ITSN2: variants seen among roughly 807,000 people sequenced by gnomAD.
ITSN2 encodes the protein intersectin-2.
Under a neutral mutation model 243.7 loss-of-function variants are expected in ITSN2, and 156 were observed. The ratio of observed to expected loss-of-function variants is 0.64; its 90% confidence interval spans 0.56 to 0.73. ITSN2 has a LOEUF of 0.73. Ranked by LOEUF, ITSN2 falls within the 30% of genes least tolerant of loss-of-function variation. The pLI, the probability that ITSN2 is intolerant of heterozygous loss-of-function variation, is 0.00. For missense variants in ITSN2, 1,801 were observed against 1,996.1 expected, an observed-to-expected ratio of 0.90 and a Z score of 1.86; for synonymous variants, 703 against 699.9, an observed-to-expected ratio of 1.00 and a Z score of -0.07.
chr2:24,295,574 G>A, intron 14 of ITSN2, 90 bp downstream of exon 14: 1 of 1,023,206 alleles, frequency 9.8e-7, no homozygotes, highest in African/African-American at 1.7e-5. Flanking sequence ...CTCCCAAAGT[G>A]CTAGCATTAC....
At chr2:24,336,347 G>C in intron 1 of ITSN2, among the ~76,000 whole-genome samples, 1 of 151,264 alleles carries the variant, frequency 6.6e-6, no homozygotes, top group South Asian at 2.1e-4. Context: ...TTATTGGCTT[G>C]AGACCCTTCC....
chr2:24,267,239 G>C (rs779604143), intron 20 of ITSN2, among the ~76,000 whole-genome samples: 3 of 152,094 alleles, frequency 2.0e-5, no homozygotes, highest in Non-Finnish European at 4.4e-5. Context: ...CCTGTCAGGG[G>C]GTGGGGGACT....
chr2:24,283,135 A>G (rs939086639), intron 17 of ITSN2, among the ~76,000 whole-genome samples: 4 of 152,026 alleles, frequency 2.6e-5, no homozygotes, highest in African/African-American at 9.7e-5. Flanking sequence ...ATCCACTGCA[A>G]TCCAGCTTCT....
At chr2:24,347,484 C>T (rs1216121916) in intron 1 of ITSN2, among the ~76,000 whole-genome samples, 1 of 152,070 alleles carries the variant, frequency 6.6e-6, no homozygotes, top group Non-Finnish European at 1.5e-5. Context: ...GTCGGGAGTT[C>T]GAGACCAGCC....
intron 18 of ITSN2, among the ~76,000 whole-genome samples, chr2:24,273,398 G>T (rs1677620229): frequency 6.6e-6 from 1 of 152,094 alleles, no homozygotes; most frequent in Non-Finnish European, 1.5e-5. Context: ...CAGTTCCTCT[G>T]TAACTTTCCG....
rs79417090 is a variant in ITSN2 at position 24,261,830 on chromosome 2, A to G, written c.2356-88T>C. 1.7e-3 allele frequency: 1,660 copies of G among 961,638 alleles called. 16 individuals carry two copies. The African/African-American group carries it at 0.025, about 15-fold the overall frequency. 59.6% of individuals were successfully genotyped at this position (961,638 alleles called of 1,614,324 possible). On this transcript the variant is annotated intron_variant, in intron 20 of 39. Coordinates refer to ENST00000355123, the MANE Select transcript of ITSN2 (RefSeq NM_006277.3). ...ATGAAAACTATTGTATAGTATTCTC[A>G]TTTTCAGAATTAAGCCCATCTAACT...
intron 37 of ITSN2, chr2:24,205,757 T>G (rs1210314170): frequency 5.7e-6 from 1 of 175,848 alleles, no homozygotes; most frequent in African/African-American, 2.3e-5. Flanking sequence ...AAATAATACA[T>G]GGTATTTGTG....
intron 29 of ITSN2, among the ~76,000 whole-genome samples, chr2:24,235,620 G>T (rs1436762207): frequency 6.6e-6 from 1 of 152,118 alleles, no homozygotes; most frequent in Non-Finnish European, 1.5e-5. Flanking sequence ...TCTCAATTTT[G>T]CTGTGAACCT....
At chr2:24,299,460 A>G (rs760232501) in intron 12 of ITSN2, among the ~76,000 whole-genome samples, 4 of 152,130 alleles carry the variant, frequency 2.6e-5, no homozygotes, top group Non-Finnish European at 5.9e-5. Flanking sequence ...TTTCCCAGCA[A>G]CACTATCCCA....
intron 8 of ITSN2, 90 bp from the exon 9 acceptor site, chr2:24,303,952 T>TGTAAAATAACA: frequency 1.1e-6 from 1 of 895,982 alleles, no homozygotes; most frequent in Non-Finnish European, 1.9e-6. Context: ...ATAACAATGC[T>TGTAAAATAACA]ACCAGGGTAT....
chr2:24,207,112 G>C (rs1160336719), intron 37 of ITSN2, among the ~76,000 whole-genome samples: 1 of 152,126 alleles, frequency 6.6e-6, no homozygotes, highest in Non-Finnish European at 1.5e-5. Context: ...GTTAATTTGG[G>C]AGGCAATAGG....
At chr2:24,261,778 A>G (rs764208575) in intron 20 of ITSN2, 36 bp from the exon 21 acceptor site, 2 of 1,451,972 alleles carry the variant, frequency 1.4e-6, no homozygotes, top group East Asian at 2.3e-5. Flanking sequence ...CAGTGCTTAG[A>G]AATTCACACA....
At chr2:24,275,310 C>T (rs553425650) in intron 18 of ITSN2, among the ~76,000 whole-genome samples, 1 of 152,250 alleles carries the variant, frequency 6.6e-6, no homozygotes, top group Non-Finnish European at 1.5e-5. Context: ...GCCTCAGCCT[C>T]CCAAATAGCT....
At chr2:24,218,724 A>G (rs540687478) in intron 30 of ITSN2, among the ~76,000 whole-genome samples, 17 of 152,234 alleles carry the variant, frequency 1.1e-4, no homozygotes, top group Non-Finnish European at 2.2e-4. Context: ...GCTCAAGATC[A>G]CAAAGACAGA....
chr2:24,276,034 C>T (rs1677972242), intron 17 of ITSN2, among the ~76,000 whole-genome samples, 185 bp from the exon 18 acceptor site: 1 of 152,048 alleles, frequency 6.6e-6, no homozygotes, highest in South Asian at 2.1e-4. Context: ...CCATATAGCT[C>T]CTGAGATAAA....
chr2:24,352,498 C>A (rs139195775), intron 1 of ITSN2, among the ~76,000 whole-genome samples: 2 of 152,000 alleles, frequency 1.3e-5, no homozygotes, highest in Non-Finnish European at 2.9e-5. Flanking sequence ...GGCTTAGGGT[C>A]CCAAATATAC....
rs78236726 is a variant in ITSN2 at position 24,204,025 on chromosome 2, G to A, written c.4936+220C>T. On this transcript the variant is annotated intron_variant, in intron 39 of 39. Transcript: ENST00000355123. This position sits in a 1 kb window ranked among gnomAD's most constrained non-coding sequence, Gnocchi z 5.1. ...ATGCTCCAGGAGTGGTGTTCACGTC[G>A]TGTGTGTAGGGAGTGATGGGTCAAA... 1.5e-3 allele frequency: 961 copies of A among 627,928 alleles called. 17 individuals carry two copies. The East Asian group carries it at 0.022, about 14-fold the overall frequency. 38.9% of individuals were successfully genotyped at this position (627,928 alleles called of 1,614,324 possible).
intron 23 of ITSN2, among the ~76,000 whole-genome samples, chr2:24,255,977 C>T (rs1052430020): frequency 6.6e-6 from 1 of 152,028 alleles, no homozygotes; most frequent in South Asian, 2.1e-4. Flanking sequence ...CGCTTGAACC[C>T]GGGAGGTGGA....
chr2:24,334,217 C>T (rs991421033), intron 1 of ITSN2, among the ~76,000 whole-genome samples: 1 of 152,284 alleles, frequency 6.6e-6, no homozygotes, highest in South Asian at 2.1e-4. Context: ...CAGCACCGCG[C>T]CCAGCTAATT....
Sources: allele counts gnomAD v4.1 joint callset (sites outside exome capture counted in the v4.1 genomes callset), GRCh38; gene constraint gnomAD v4.1.1; non-coding constraint Gnocchi (gnomAD v3.1); transcripts MANE v1.5; gene names NCBI Gene and HGNC (gene_info 2026-07-23, HGNC 2026-07-21).